IFTAP: variants seen among roughly 807,000 people sequenced by gnomAD.
The protein encoded by IFTAP is intraflagellar transport associated protein.
In IFTAP, 19 loss-of-function variants were observed where a neutral mutation model predicts 19.4. The observed-to-expected ratio is 0.98, with a 90% CI of 0.68 to 1.44. The LOEUF (loss-of-function observed/expected upper bound fraction) is 1.44. Among genes scored for constraint, IFTAP ranks in the 40% most tolerant of loss-of-function variants. The pLI, the probability that IFTAP is intolerant of heterozygous loss-of-function variation, is 0.00. For synonymous variants in IFTAP, 85 were observed against 83.5 expected, an observed-to-expected ratio of 1.02 and a Z score of -0.10; for missense variants, 240 against 253.6, an observed-to-expected ratio of 0.95 and a Z score of 0.36.
chr11:36,616,769 A>G (rs1185124311), intron 2 of IFTAP, among the ~76,000 whole-genome samples: 1 of 152,004 alleles, frequency 6.6e-6, no homozygotes, highest in African/African-American at 2.4e-5. Flanking sequence ...CCAACACAGT[A>G]GCTACTAGCA....
At chr11:36,616,404 T>C in intron 2 of IFTAP, among the ~76,000 whole-genome samples, 1 of 151,990 alleles carries the variant, frequency 6.6e-6, no homozygotes, top group Non-Finnish European at 1.5e-5. Flanking sequence ...TTGAAAAAAA[T>C]TCCTGTCAAC....
At chr11:36,619,714 A>T (rs1315145636) in intron 2 of IFTAP, among the ~76,000 whole-genome samples, 1 of 152,052 alleles carries the variant, frequency 6.6e-6, no homozygotes, top group African/African-American at 2.4e-5. Flanking sequence ...TTATGCTTCC[A>T]GGTGGCACTG....
intron 3 of IFTAP, among the ~76,000 whole-genome samples, chr11:36,635,180 T>C (rs955124759): frequency 6.6e-6 from 1 of 152,196 alleles, no homozygotes; most frequent in Non-Finnish European, 1.5e-5. Flanking sequence ...AATTATGAAA[T>C]GTAAATTTGT....
chr11:36,633,514 C>G, intron 3 of IFTAP, 76 bp downstream of exon 3: 1 of 1,154,866 alleles, frequency 8.7e-7, no homozygotes, highest in Non-Finnish European at 1.2e-6. Flanking sequence ...AAAAGAGACC[C>G]TACTAAACAC....
intron 2 of IFTAP, among the ~76,000 whole-genome samples, chr11:36,632,429 T>C (rs1054937313): frequency 6.6e-6 from 1 of 151,170 alleles, no homozygotes; most frequent in African/African-American, 2.5e-5. Context: ...AACTGGCACT[T>C]CAAATGCAAT....
intron 1 of IFTAP, among the ~76,000 whole-genome samples, chr11:36,601,412 A>AT (rs983179575): frequency 6.6e-6 from 1 of 152,190 alleles, no homozygotes; most frequent in Non-Finnish European, 1.5e-5. Context: ...GTGACTTGAC[A>AT]TTTTTTATTT....
intron 3 of IFTAP, 22 bp downstream of exon 3, chr11:36,633,460 T>C (rs747586551): frequency 2.1e-6 from 3 of 1,460,372 alleles, no homozygotes; most frequent in East Asian, 2.5e-5. Context: ...ATAGTACATG[T>C]ATAGAAACAA....
intron 5 of IFTAP, among the ~76,000 whole-genome samples, chr11:36,654,968 G>C (rs539609537): frequency 6.6e-6 from 1 of 152,114 alleles, no homozygotes; most frequent in African/African-American, 2.4e-5. Context: ...CAACAGGGCA[G>C]GGCATTTTTT....
chr11:36,625,887 T>C (rs1488674799), intron 2 of IFTAP, among the ~76,000 whole-genome samples: 1 of 152,066 alleles, frequency 6.6e-6, no homozygotes, highest in Non-Finnish European at 1.5e-5. Flanking sequence ...CTGCAGATAT[T>C]TGAGGCCCAG....
rs28675089 is a variant in IFTAP, at chr11:36,650,557, C to T, written c.498+2402C>T. Among the ~76,000 whole-genome samples the T allele has an allele frequency of 4.9e-3, 466 of 95,042 alleles. 4 individuals carry two copies. Among genetic ancestry groups the T allele is most frequent in the South Asian group, 0.039 (112 of 2,900 alleles). The allele number at this position is 95,042 out of a possible 152,430, so 62.4% of individuals were successfully genotyped here. A position where few individuals can be genotyped will look rare whatever the true frequency, so the allele number is the denominator to read the frequency against. On this transcript the variant is annotated intron_variant, in intron 5 of 5. Transcript: ENST00000334307. ...TTACCACTGGTTCTTTTTTTTTTTT[C>T]CAAAAAAAAAATATATTTTTATTAT...
chr11:36,625,906 G>T (rs543115369), intron 2 of IFTAP, among the ~76,000 whole-genome samples: 1 of 151,518 alleles, frequency 6.6e-6, no homozygotes, highest in Non-Finnish European at 1.5e-5. Flanking sequence ...AGGGAACAGC[G>T]AGTGCAAAGG....
At chr11:36,632,374 A>C (rs1565020850) in intron 2 of IFTAP, among the ~76,000 whole-genome samples, 1 of 151,248 alleles carries the variant, frequency 6.6e-6, no homozygotes, top group Non-Finnish European at 1.5e-5. Flanking sequence ...CCCAGATTTT[A>C]ACCTACATTT....
chr11:36,618,897 T>C (rs1391194298), intron 2 of IFTAP, among the ~76,000 whole-genome samples: 4 of 151,952 alleles, frequency 2.6e-5, no homozygotes, highest in Admixed American at 6.6e-5. Flanking sequence ...GCTGGAGGTC[T>C]GGACTAGGGT....
At chr11:36,610,502 A>G (rs567012835) in intron 2 of IFTAP, among the ~76,000 whole-genome samples, 2 of 152,308 alleles carry the variant, frequency 1.3e-5, no homozygotes, top group African/African-American at 4.8e-5. Context: ...ATCATTTAAT[A>G]TAATCCTTTT....
At chr11:36,632,530 T>G (rs1852766760) in intron 2 of IFTAP, among the ~76,000 whole-genome samples, 1 of 151,262 alleles carries the variant, frequency 6.6e-6, no homozygotes, top group Admixed American at 6.6e-5. Flanking sequence ...ATGATATAAT[T>G]GTCTTAGTCT....
intron 4 of IFTAP, among the ~76,000 whole-genome samples, chr11:36,637,405 C>G (rs1590223566): frequency 6.6e-6 from 1 of 152,250 alleles, no homozygotes; most frequent in East Asian, 1.9e-4. Flanking sequence ...GAGAGGTTCT[C>G]TAACTTTAAT....
At chr11:36,619,849 GA>G (rs1227912029) in intron 2 of IFTAP, among the ~76,000 whole-genome samples, 2 of 151,448 alleles carry the variant, frequency 1.3e-5, no homozygotes, top group Admixed American at 1.3e-4. Context: ...GCCACATTAA[GA>G]AAAAAAAGGC....
At chr11:36,604,052 A>T (rs777711732) in intron 1 of IFTAP, among the ~76,000 whole-genome samples, 2 of 152,132 alleles carry the variant, frequency 1.3e-5, no homozygotes, top group Non-Finnish European at 2.9e-5. Flanking sequence ...AATTATATGC[A>T]GTTTTTAGGA....
intron 2 of IFTAP, among the ~76,000 whole-genome samples, chr11:36,630,542 T>C (rs1450691267): frequency 6.6e-6 from 1 of 151,376 alleles, no homozygotes; most frequent in Non-Finnish European, 1.5e-5. Context: ...GAGACTTCAT[T>C]ATATTTTGCT....
Sources: gnomAD v4.1 joint callset for allele counts (sites outside exome capture counted in the v4.1 genomes callset) on GRCh38, gnomAD v4.1.1 for gene constraint, MANE v1.5 for transcripts, NCBI Gene and HGNC (gene_info 2026-07-23, HGNC 2026-07-21) for gene names.